Variants in SKIC3 observed in about 807,000 individuals in gnomAD.
SKIC3 encodes the protein superkiller complex protein 3.
the SKIC3 span, among the ~76,000 whole-genome samples, chr5:95,480,249 A>C: frequency 6.6e-6 from 1 of 152,150 alleles, no homozygotes; most frequent in Non-Finnish European, 1.5e-5. Context: ...AGAATTAAGA[A>C]CTATTCATTA....
the SKIC3 span, chr5:95,546,859 T>C: frequency 3.5e-6 from 2 of 574,166 alleles, no homozygotes; most frequent in Non-Finnish European, 6.2e-6. Context: ...TTTTGTTAAG[T>C]TACCAATACA....
the SKIC3 span, among the ~76,000 whole-genome samples, chr5:95,508,974 GAGA>G: frequency 1.1e-4 from 16 of 152,088 alleles, no homozygotes; most frequent in African/African-American, 2.4e-4. Flanking sequence ...CTAAAAATCT[GAGA>G]AGATTTTTGT....
chr5:95,514,354 CTGATTCCTATTTGGCAGT>C, the SKIC3 span, among the ~76,000 whole-genome samples: 3 of 152,134 alleles, frequency 2.0e-5, no homozygotes, highest in South Asian at 6.2e-4. Context: ...ACAAAGTATC[CTGATTCCTATTTGGCAGT>C]ACAAAAATCT....
the SKIC3 span, chr5:95,512,383 C>G: frequency 1.4e-6 from 2 of 1,410,628 alleles, no homozygotes; most frequent in Non-Finnish European, 1.9e-6. Context: ...TAAAGAATAC[C>G]AATATTTAAT....
At chr5:95,517,446 AATCAT>A in the SKIC3 span, 3 of 1,075,340 alleles carry the variant, frequency 2.8e-6, no homozygotes, top group Non-Finnish European at 2.7e-6. Context: ...CTCCTAACTG[AATCAT>A]ATCATATCAC....
chr5:95,483,314 C>T, the SKIC3 span, among the ~76,000 whole-genome samples: 2 of 152,184 alleles, frequency 1.3e-5, no homozygotes, highest in Admixed American at 1.3e-4. Context: ...CCCTCAATAG[C>T]ATACTTTTCT....
chr5:95,488,656 T>A, the SKIC3 span, among the ~76,000 whole-genome samples: 1 of 152,060 alleles, frequency 6.6e-6, no homozygotes, highest in South Asian at 2.1e-4. Context: ...ACTAGACCAG[T>A]CCTACAAGAA....
At chr5:95,547,301 A>C in the SKIC3 span, 2 of 689,166 alleles carry the variant, frequency 2.9e-6, no homozygotes, top group Non-Finnish European at 5.1e-6. Flanking sequence ...TACACAGTTT[A>C]TTCCTTAACC....
the SKIC3 span, among the ~76,000 whole-genome samples, chr5:95,520,138 A>C: frequency 6.6e-6 from 1 of 152,000 alleles, no homozygotes; most frequent in Non-Finnish European, 1.5e-5. Context: ...CTTCTACCAC[A>C]GATAACACTT....
the SKIC3 span, among the ~76,000 whole-genome samples, chr5:95,475,246 G>A: frequency 6.6e-6 from 1 of 151,924 alleles, no homozygotes; most frequent in African/African-American, 2.4e-5. Context: ...ATGGCTTGGA[G>A]CTGTGTCCCA....
At chr5:95,490,501 TA>T in the SKIC3 span, among the ~76,000 whole-genome samples, 104 of 124,768 alleles carry the variant, frequency 8.3e-4, 2 homozygotes, top group East Asian at 7.9e-3. Context: ...TATATATATA[TA>T]TATTTTTTTT....
the SKIC3 span, among the ~76,000 whole-genome samples, chr5:95,499,166 G>A: frequency 6.6e-6 from 1 of 152,172 alleles, no homozygotes; most frequent in Non-Finnish European, 1.5e-5. Flanking sequence ...GTTTGGACCT[G>A]TGTCTCTGCC....
chr5:95,492,759 G>C, the SKIC3 span, among the ~76,000 whole-genome samples: 1 of 130,864 alleles, frequency 7.6e-6, no homozygotes, highest in African/African-American at 3.0e-5. Flanking sequence ...AACTGAAGTA[G>C]ACTCAATCTC....
the SKIC3 span, among the ~76,000 whole-genome samples, chr5:95,467,594 T>C: frequency 6.6e-6 from 1 of 152,144 alleles, no homozygotes; most frequent in Non-Finnish European, 1.5e-5. Context: ...TGTTCTAATA[T>C]CGAAAGGAGA....
At chr5:95,478,844 C>A in the SKIC3 span, among the ~76,000 whole-genome samples, 2 of 152,030 alleles carry the variant, frequency 1.3e-5, no homozygotes, top group African/African-American at 4.8e-5. Context: ...ACTCTCTTAG[C>A]ATATTCAAAG....
At chr5:95,510,332 A>C in the SKIC3 span, among the ~76,000 whole-genome samples, 1 of 152,230 alleles carries the variant, frequency 6.6e-6, no homozygotes, top group Non-Finnish European at 1.5e-5. Context: ...TTTATAGTTT[A>C]TAGTTTGAAA....
the SKIC3 span, chr5:95,542,028 A>G: frequency 5.7e-6 from 4 of 707,260 alleles, no homozygotes; most frequent in African/African-American, 7.2e-5. Context: ...GATTATTATA[A>G]TTTACAAATG....
the SKIC3 span, among the ~76,000 whole-genome samples, chr5:95,547,307 T>C: frequency 5.3e-5 from 8 of 152,158 alleles, no homozygotes; most frequent in Non-Finnish European, 1.0e-4. Context: ...GTTTATTCCT[T>C]AACCTCTTCA....
the SKIC3 span, chr5:95,513,627 C>A: frequency 6.2e-7 from 1 of 1,613,860 alleles, no homozygotes; most frequent in East Asian, 2.2e-5. Context: ...TAACTTCCAA[C>A]TGCCTCAGCA....
Sources: gnomAD v4.1 joint callset for allele counts (sites outside exome capture counted in the v4.1 genomes callset) on GRCh38, gnomAD v4.1.1 for gene constraint, MANE v1.5 for transcripts, NCBI Gene and HGNC (gene_info 2026-07-23, HGNC 2026-07-21) for gene names.